ZBTB20: variants seen among roughly 807,000 people sequenced by gnomAD.
ZBTB20 encodes zinc finger and BTB domain-containing protein 20.
In ZBTB20, 9 loss-of-function variants were observed where a neutral mutation model predicts 56.9. That is an observed-to-expected ratio of 0.16 (90% CI 0.10 to 0.28). The LOEUF is 0.28. ZBTB20 is among the 10% of genes least tolerant of loss of function. The pLI, the probability that ZBTB20 is intolerant of heterozygous loss-of-function variation, is 1.00. For missense variants in ZBTB20, 655 were observed against 1,003.0 expected (o/e 0.65, Z 4.69); for synonymous variants, 417 against 420.7 (o/e 0.99, Z 0.11).
chr3:114,766,489 A>ATGTGTGTGTG (rs71297433), intron 5 of ZBTB20, among the ~76,000 whole-genome samples: 4,137 of 139,016 alleles, frequency 0.03, 70 homozygotes, highest in South Asian at 0.044. Context: ...TGGGATGGAA[A>ATGTGTGTGTG]TGTGTGTGTG....
chr3:114,877,649 T>C (rs1030010042), intron 4 of ZBTB20, among the ~76,000 whole-genome samples: 2 of 152,220 alleles, frequency 1.3e-5, no homozygotes, highest in Non-Finnish European at 2.9e-5. Flanking sequence ...CACATATATA[T>C]AAGCACAAAA....
chr3:114,404,072 T>G (rs1401560511), intron 7 of ZBTB20, among the ~76,000 whole-genome samples: 2 of 152,222 alleles, frequency 1.3e-5, no homozygotes, highest in South Asian at 4.1e-4. Context: ...TCCGTGCCTA[T>G]GCAGTTTGCA....
chr3:114,531,222 T>C (rs930419714), intron 6 of ZBTB20, among the ~76,000 whole-genome samples: 3 of 152,238 alleles, frequency 2.0e-5, no homozygotes, highest in Non-Finnish European at 2.9e-5. Context: ...GTTCCAGCTC[T>C]TGGTAGATGA....
intron 3 of ZBTB20, among the ~76,000 whole-genome samples, chr3:114,942,313 G>C (rs539705459): frequency 6.9e-6 from 1 of 145,812 alleles, no homozygotes; most frequent in East Asian, 1.9e-4. Context: ...GTTTTGGCTA[G>C]AGAAATTACT....
intron 3 of ZBTB20, among the ~76,000 whole-genome samples, chr3:114,944,142 T>G (rs1344143953): frequency 6.9e-6 from 1 of 144,958 alleles, no homozygotes; most frequent in Non-Finnish European, 1.5e-5. Context: ...AGCAAAAAAC[T>G]AAATAACCTG....
At chr3:114,599,489 T>C (rs2056591493) in intron 6 of ZBTB20, 1 of 152,098 alleles carries the variant, frequency 6.6e-6, no homozygotes, top group Non-Finnish European at 1.5e-5. Flanking sequence ...TTCTCTTTCA[T>C]GCAAAATACC....
intron 7 of ZBTB20, among the ~76,000 whole-genome samples, chr3:114,409,107 A>G (rs868808005): frequency 7.6e-5 from 10 of 131,054 alleles, no homozygotes; most frequent in Admixed American, 1.6e-4. Context: ...ATCTTCTAAG[A>G]GGGGGAAAAA....
At chr3:114,814,796 G>C (rs2072800154) in intron 4 of ZBTB20, among the ~76,000 whole-genome samples, 1 of 152,144 alleles carries the variant, frequency 6.6e-6, no homozygotes. Context: ...CCTGTCCAAG[G>C]CACCTAGTCC....
Position 114,459,561 on chromosome 3 carries a change from C to T in ZBTB20, c.-255+40791G>A, listed in dbSNP as rs577058209. On this transcript the variant is annotated intron_variant, in intron 7 of 11. Transcript: ENST00000675478. ...GTATATTTAATGTATTGTCCAGCAT[C>T]ACACCTGCCATGGTGGTAGATGATC... is the stretch of plus-strand genomic sequence containing the variant. 2.6e-5 allele frequency among the ~76,000 whole-genome samples: 4 copies of T among 152,236 alleles called. No homozygotes were observed. In the South Asian group the frequency reaches 8.3e-4, roughly 32 times the overall value.
chr3:114,983,879 ACT>A (rs1339954804), intron 2 of ZBTB20, among the ~76,000 whole-genome samples: 1 of 151,972 alleles, frequency 6.6e-6, no homozygotes, highest in Non-Finnish European at 1.5e-5. Context: ...CTTTGCATAA[ACT>A]CACGGTTTTC....
intron 7 of ZBTB20, among the ~76,000 whole-genome samples, chr3:114,396,177 A>G (rs2086320297): frequency 6.6e-6 from 1 of 152,240 alleles, no homozygotes; most frequent in African/African-American, 2.4e-5. Flanking sequence ...GAATTCTAAC[A>G]TGAGCATGAT....
chr3:114,605,884 G>T (rs2057108119), intron 6 of ZBTB20, among the ~76,000 whole-genome samples: 1 of 152,106 alleles, frequency 6.6e-6, no homozygotes, highest in Non-Finnish European at 1.5e-5. Context: ...AACTGCAGGT[G>T]GTTCCAGACA....
At chr3:114,748,279 C>CT (rs1553807144) in intron 5 of ZBTB20, among the ~76,000 whole-genome samples, 2,286 of 104,538 alleles carry the variant, frequency 0.022, 84 homozygotes, top group Middle Eastern at 0.069. Flanking sequence ...TTTGTTGTAG[C>CT]TTCTTTCTTT....
At chr3:114,778,901 G>A (rs2069843729) in intron 5 of ZBTB20, among the ~76,000 whole-genome samples, 1 of 152,160 alleles carries the variant, frequency 6.6e-6, no homozygotes, top group Admixed American at 6.5e-5. Flanking sequence ...AGTAACTGAT[G>A]ATTAACATAA....
chr3:114,443,526 T>C (rs1003031207), intron 7 of ZBTB20, among the ~76,000 whole-genome samples: 12 of 152,182 alleles, frequency 7.9e-5, no homozygotes, highest in African/African-American at 2.2e-4. Flanking sequence ...CAGGACAGGA[T>C]TTAAGGATCT....
intron 5 of ZBTB20, among the ~76,000 whole-genome samples, chr3:114,748,401 T>C (rs1389864256): frequency 6.7e-6 from 1 of 150,126 alleles, no homozygotes; most frequent in South Asian, 2.1e-4. Context: ...GGCTTTGTTG[T>C]AGCTTCCTCT....
At chr3:114,948,820 G>A (rs754246437) in intron 3 of ZBTB20, among the ~76,000 whole-genome samples, 1 of 145,904 alleles carries the variant, frequency 6.9e-6, no homozygotes, top group Admixed American at 6.6e-5. Flanking sequence ...GATTAAAGAA[G>A]AATAAAATAA....
At chr3:115,094,307 A>G (rs1248626845) in intron 1 of ZBTB20, among the ~76,000 whole-genome samples, 2 of 152,060 alleles carry the variant, frequency 1.3e-5, no homozygotes, top group African/African-American at 4.8e-5. Context: ...TAATGTGTCC[A>G]GTATTTAAGA....
chr3:114,625,409 G>A (rs2058601360), intron 6 of ZBTB20, among the ~76,000 whole-genome samples: 2 of 152,074 alleles, frequency 1.3e-5, no homozygotes, highest in Non-Finnish European at 2.9e-5. Flanking sequence ...TACTATCCTA[G>A]TATTTTGGTA....
Sources: allele counts gnomAD v4.1 joint callset (sites outside exome capture counted in the v4.1 genomes callset), GRCh38; gene constraint gnomAD v4.1.1; transcripts MANE v1.5; gene names NCBI Gene and HGNC (gene_info 2026-07-23, HGNC 2026-07-21).